NBPF15: variants seen among roughly 807,000 people sequenced by gnomAD.
NBPF15 encodes the protein NBPF member 15.
A neutral mutation model predicts 62.2 loss-of-function variants in NBPF15; 74 were observed. The observed-to-expected ratio is 1.19, with a 90% confidence interval of 0.99 to 1.44. The LOEUF (loss-of-function observed/expected upper bound fraction) is 1.44. Among genes scored for constraint, NBPF15 ranks in the 40% most tolerant of loss-of-function variants. The probability of loss-of-function intolerance (pLI) is 0.00; values close to 1 mark genes in which losing one functional copy is unlikely to be tolerated. For missense variants in NBPF15, 790 were observed against 550.0 expected (o/e 1.44, Z -4.36); for synonymous variants, 244 against 209.7 (o/e 1.16, Z -1.41).
chr1:144,444,455 C>T (rs1270735496), intron 6 of NBPF15, among the ~76,000 whole-genome samples: 142 of 151,844 alleles, frequency 9.4e-4, no homozygotes, highest in African/African-American at 3.4e-3. Context: ...CAGGCCTCCA[C>T]AAACAAGTTT....
intron 6 of NBPF15, among the ~76,000 whole-genome samples, chr1:144,440,801 C>T (rs1429411618): frequency 8.0e-5 from 12 of 150,370 alleles, no homozygotes; most frequent in South Asian, 4.2e-4. Flanking sequence ...TACAGGCGCC[C>T]GCCACCACGC....
intron 16 of NBPF15, among the ~76,000 whole-genome samples, chr1:144,427,490 G>C (rs1349819498): frequency 5.3e-5 from 8 of 149,764 alleles, no homozygotes; most frequent in Non-Finnish European, 1.0e-4. Context: ...GCTGAAATTA[G>C]AGTGAAGGAT....
chr1:144,441,517 T>G lies in NBPF15; in HGVS notation c.-190-1222A>C, dbSNP rs1390600836. On this transcript the variant is annotated intron_variant, in intron 6 of 21. Transcript: ENST00000581897. The stretch of plus-strand genomic sequence containing the variant: ...ATAGGAGTTCTTTATATATTTTGAA[T>G]GAGTCCATTTATACATACATATTTT... Among the ~76,000 whole-genome samples, 4 of 149,796 alleles carry G rather than the reference T, an allele frequency of 2.7e-5. No homozygotes were observed. In the East Asian group the frequency reaches 7.8e-4, roughly 29 times the overall value.
chr1:144,445,208 C>T (rs1226949924), intron 6 of NBPF15, among the ~76,000 whole-genome samples: 9 of 145,570 alleles, frequency 6.2e-5, no homozygotes, highest in Non-Finnish European at 1.4e-4. Flanking sequence ...TTTCAATGTG[C>T]TGTTTATCTT....
At chr1:144,426,126 A>G (rs1669427781) in intron 18 of NBPF15, among the ~76,000 whole-genome samples, 152 bp downstream of exon 18, 1 of 111,212 alleles carries the variant, frequency 9.0e-6, no homozygotes, top group East Asian at 2.3e-4. Flanking sequence ...CTTCCAACTG[A>G]GACTACAGTT....
In NBPF15 at chr1:144,422,851, G is replaced by A. The variant is rs1666647641; in HGVS notation, c.*162C>T. 1.3e-6 allele frequency: 2 copies of A among 1,548,650 alleles called. No individual in the cohort carries two copies. The highest frequency in any genetic ancestry group is 1.8e-6 in the Non-Finnish European group (2 of 1,142,154). On this transcript the variant is annotated 3_prime_UTR_variant, in exon 22 of 22. Transcript: ENST00000581897. Reference sequence around the variant, plus strand: ...CATGGGTCCATTGTCTTCAGATTGAGCACAGGTTGCCAATGGCATGGTTTG... The same window carrying A: ...CATGGGTCCATTGTCTTCAGATTGAACACAGGTTGCCAATGGCATGGTTTG...
chr1:144,444,159 A>T (rs1685522916), intron 6 of NBPF15, among the ~76,000 whole-genome samples: 1 of 151,322 alleles, frequency 6.6e-6, no homozygotes, highest in Admixed American at 6.6e-5. Flanking sequence ...TTGGGCTATT[A>T]TGAAGAAACT....
intron 6 of NBPF15, among the ~76,000 whole-genome samples, chr1:144,442,178 ATAAT>A (rs1683700996): frequency 2.7e-5 from 3 of 109,406 alleles, no homozygotes; most frequent in South Asian, 2.8e-4. Flanking sequence ...ATATATATAT[ATAAT>A]ATATATACAC....
At chr1:144,442,382 A>G (rs1684140696) in intron 6 of NBPF15, among the ~76,000 whole-genome samples, 3 of 140,832 alleles carry the variant, frequency 2.1e-5, no homozygotes, top group African/African-American at 7.8e-5. Context: ...ACATGTATAT[A>G]TATTATACAA....
chr1:144,459,278 A>C (rs868940034), intron 3 of NBPF15, 88 bp downstream of exon 3: 21 of 152,026 alleles, frequency 1.4e-4, no homozygotes, highest in Non-Finnish European at 2.2e-4. Context: ...CTCACCTGAG[A>C]CCAGGAATTC....
chr1:144,445,270 G>GTATA (rs59434439), intron 6 of NBPF15, among the ~76,000 whole-genome samples: 8,209 of 104,778 alleles, frequency 0.078, 404 homozygotes, highest in Non-Finnish European at 0.098. Flanking sequence ...GTCTGTATAT[G>GTATA]TATATATATA....
At chr1:144,458,234 A>G (rs1303774654) in intron 3 of NBPF15, among the ~76,000 whole-genome samples, 6 of 152,070 alleles carry the variant, frequency 3.9e-5, no homozygotes, top group Non-Finnish European at 8.8e-5. Context: ...AGTATACCTA[A>G]GAACAATGAA....
intron 6 of NBPF15, among the ~76,000 whole-genome samples, chr1:144,444,416 A>G (rs1430370970): frequency 6.6e-6 from 1 of 151,864 alleles, no homozygotes; most frequent in African/African-American, 2.4e-5. Context: ...GTATTAAATA[A>G]GTTTTACTGG....
intron 6 of NBPF15, chr1:144,440,527 T>A: frequency 2.8e-6 from 1 of 357,196 alleles, no homozygotes; most frequent in Non-Finnish European, 5.0e-6. Flanking sequence ...ACTGTTTATC[T>A]CTTGTCTGTA....
intron 6 of NBPF15, among the ~76,000 whole-genome samples, chr1:144,445,964 C>T (rs1687240225): frequency 6.8e-6 from 1 of 147,484 alleles, no homozygotes; most frequent in Non-Finnish European, 1.5e-5. Context: ...TCAAGTGATC[C>T]TCCTGCCTCA....
chr1:144,457,800 A>G (rs1456108588), intron 3 of NBPF15, among the ~76,000 whole-genome samples: 1 of 152,066 alleles, frequency 6.6e-6, no homozygotes, highest in African/African-American at 2.4e-5. Flanking sequence ...AATTATTAAA[A>G]CTAAAATGGC....
Position 144,427,597 on chromosome 1 carries a change from C to T in NBPF15, c.1213+221G>A, listed in dbSNP as rs1165646557. ...ACGTCATGAGAGTAGGATTAGGGCG[C>T]CACAGGCATGGCCTGAGACTAGGAA... On this transcript the variant is annotated intron_variant, in intron 16 of 21. Transcript: ENST00000581897. Among the ~76,000 whole-genome samples the T allele has an allele frequency of 6.3e-4, 92 of 146,174 alleles. 2 individuals carry two copies. The South Asian group carries it at 9.3e-3, about 15-fold the overall frequency.
intron 6 of NBPF15, among the ~76,000 whole-genome samples, chr1:144,444,182 C>T: frequency 6.6e-6 from 1 of 150,528 alleles, no homozygotes; most frequent in South Asian, 2.1e-4. Context: ...CATGAACATC[C>T]ATACGTGGCA....
chr1:144,426,415 T>A lies in NBPF15; in HGVS notation c.1301A>T (p.Glu434Val). Residue 434 changes from glutamate (E) to valine (V), a missense_variant, in exon 18 of 22, where the codon GAA becomes GTA. Coordinates refer to ENST00000581897, the MANE Select transcript of NBPF15 (RefSeq NM_001385408.1). ...SRELLDEKEP[E>V]VLQDSLDRCY... ...TCTATCCAGTGAGTCCTGCAAGACTTCAGGCTCTTTCTCATCCAGCAGCTC... is the reference window on the plus strand; with the variant it reads ...TCTATCCAGTGAGTCCTGCAAGACTACAGGCTCTTTCTCATCCAGCAGCTC... 1.3e-6 allele frequency: 1 copy of A among 791,660 alleles called. No homozygotes were observed. The highest frequency in any genetic ancestry group is 2.3e-6 in the Non-Finnish European group (1 of 431,760). 49.0% of individuals were successfully genotyped at this position (791,660 alleles called of 1,614,324 possible).
Sources: allele counts gnomAD v4.1 joint callset (sites outside exome capture counted in the v4.1 genomes callset), GRCh38; gene constraint gnomAD v4.1.1; transcripts MANE v1.5; gene names NCBI Gene and HGNC (gene_info 2026-07-23, HGNC 2026-07-21).